The following CAB39 variants were observed in gnomAD, a reference collection of about 807,000 sequenced individuals.
CAB39 encodes calcium-binding protein 39.
Under a neutral mutation model 40.0 loss-of-function variants are expected in CAB39, and 8 were observed. That is an observed-to-expected ratio of 0.20 (90% CI 0.12 to 0.36). The LOEUF is 0.36. Ranked by LOEUF, CAB39 falls within the 10% of genes least tolerant of loss-of-function variation. CAB39 has a pLI of 1.00. For missense variants in CAB39, 270 were observed against 401.1 expected (o/e 0.67, Z 2.79); for synonymous variants, 156 against 141.6 (o/e 1.10, Z -0.72).
At position 230,776,478 on chromosome 2, in the gene CAB39, T is replaced by C. The variant is rs369940917; in HGVS notation, c.115-14394T>C. ...ATGCATATAGCTCTATGCAATTGCA[T>C]CACACTTATCTGTTCTCCAAGTCTA... On this transcript the variant is annotated intron_variant, in intron 2 of 8. Transcript: ENST00000258418. Among the ~76,000 whole-genome samples, 3 of 152,334 alleles carry C rather than the reference T, an allele frequency of 2.0e-5. No homozygotes were observed. The South Asian group carries it at 6.2e-4, about 32-fold the overall frequency.
intron 1 of CAB39, among the ~76,000 whole-genome samples, chr2:230,758,468 A>G (rs1308128320): frequency 6.6e-6 from 1 of 152,222 alleles, no homozygotes; most frequent in Non-Finnish European, 1.5e-5. Context: ...ACATCAGAAC[A>G]TGTTGAGAAA....
chr2:230,743,958 C>T (rs1484944910), intron 1 of CAB39, among the ~76,000 whole-genome samples: 7 of 145,322 alleles, frequency 4.8e-5, no homozygotes, highest in Admixed American at 3.5e-4. Context: ...CTCGCTCTGT[C>T]ACCCCGGCTG....
Position 230,772,233 on chromosome 2 carries a change from C to A in CAB39, c.114+12118C>A, listed in dbSNP as rs915102957. ...CAGAATTTAACAGTTAGAAACAATC[C>A]AGTTAAGAGTGGGCAAGATACTCAT... is the stretch of plus-strand genomic sequence containing the variant. On this transcript the variant is annotated intron_variant, in intron 2 of 8. Transcript: ENST00000258418. 6.6e-5 allele frequency among the ~76,000 whole-genome samples: 10 copies of A among 152,130 alleles called. No homozygotes were observed. The Middle Eastern group carries it at 0.01, about 155-fold the overall frequency.
At chr2:230,757,311 G>T (rs1437413332) in intron 1 of CAB39, among the ~76,000 whole-genome samples, 2 of 151,910 alleles carry the variant, frequency 1.3e-5, no homozygotes, top group Non-Finnish European at 2.9e-5. Context: ...GCCGAGGCTG[G>T]TCTCAAACTC....
intron 5 of CAB39, among the ~76,000 whole-genome samples, chr2:230,799,682 A>C (rs1193050458): frequency 6.6e-6 from 1 of 152,240 alleles, no homozygotes; most frequent in African/African-American, 2.4e-5. Context: ...ATAAATATTT[A>C]GAACTGTTTT....
chr2:230,716,876 C>G (rs988567716), intron 1 of CAB39, among the ~76,000 whole-genome samples: 6 of 152,104 alleles, frequency 3.9e-5, no homozygotes. Flanking sequence ...GGTGTGTGTG[C>G]CTGTTGTCCT....
At chr2:230,767,682 T>C (rs1228112421) in intron 2 of CAB39, among the ~76,000 whole-genome samples, 1 of 152,216 alleles carries the variant, frequency 6.6e-6, no homozygotes, top group Admixed American at 6.5e-5. Flanking sequence ...ATATTTACTG[T>C]CTATTCCTTT....
chr2:230,747,316 G>T (rs1694993434), intron 1 of CAB39, among the ~76,000 whole-genome samples: 1 of 152,244 alleles, frequency 6.6e-6, no homozygotes, highest in African/African-American at 2.4e-5. Context: ...ACCCCCATTG[G>T]CATTGCTGTA....
intron 1 of CAB39, among the ~76,000 whole-genome samples, chr2:230,721,738 T>C (rs775270599): frequency 2.0e-5 from 3 of 152,222 alleles, no homozygotes; most frequent in Non-Finnish European, 4.4e-5. Flanking sequence ...AGTTTTATTT[T>C]TGATGGTGAT....
chr2:230,771,184 C>G lies in CAB39; in HGVS notation c.114+11069C>G, dbSNP rs548870679. On this transcript the variant is annotated intron_variant, in intron 2 of 8. Coordinates refer to ENST00000258418, the MANE Select transcript of CAB39 (RefSeq NM_016289.4). ...CTAGTAGACTAGTAAATAAGTTTAG[C>G]GAGTCACAGGTTATAAGGTCAATAT... is the stretch of plus-strand genomic sequence containing the variant. 5.9e-5 allele frequency among the ~76,000 whole-genome samples: 9 copies of G among 152,054 alleles called. No homozygotes were observed. In the South Asian group the frequency reaches 8.3e-4, roughly 14 times the overall value.
At chr2:230,813,230 G>C (rs1000015704) in intron 6 of CAB39, among the ~76,000 whole-genome samples, 2 of 152,152 alleles carry the variant, frequency 1.3e-5, no homozygotes, top group African/African-American at 4.8e-5. Flanking sequence ...GATAGCCTTG[G>C]CCCCCAAGTG....
intron 1 of CAB39, among the ~76,000 whole-genome samples, chr2:230,755,136 T>A (rs1695168624): frequency 6.6e-6 from 1 of 152,208 alleles, no homozygotes; most frequent in South Asian, 2.1e-4. Flanking sequence ...TTCCATGATT[T>A]TCCTCTGGGT....
intron 1 of CAB39, among the ~76,000 whole-genome samples, chr2:230,714,313 GC>G (rs1487055022): frequency 6.6e-6 from 1 of 152,120 alleles, no homozygotes; most frequent in Non-Finnish European, 1.5e-5. Flanking sequence ...AGAGGAGGAG[GC>G]CCAGTCAGGA....
chr2:230,717,422 C>T (rs951964040), intron 1 of CAB39, among the ~76,000 whole-genome samples: 1 of 152,108 alleles, frequency 6.6e-6, no homozygotes, highest in African/African-American at 2.4e-5. Context: ...AGTGACTTTC[C>T]GACCGGATCC....
intron 1 of CAB39, among the ~76,000 whole-genome samples, chr2:230,747,074 C>G (rs1220685953): frequency 1.3e-5 from 2 of 152,006 alleles, no homozygotes; most frequent in Non-Finnish European, 2.9e-5. Flanking sequence ...GTCTAGAGGC[C>G]TGGAGTGGTA....
At chr2:230,807,474 C>T (rs1458963411) in intron 5 of CAB39, among the ~76,000 whole-genome samples, 2 of 133,426 alleles carry the variant, frequency 1.5e-5, no homozygotes, top group African/African-American at 2.7e-5. Flanking sequence ...CATCCTGTTA[C>T]GTACTGGGTC....
intron 5 of CAB39, among the ~76,000 whole-genome samples, chr2:230,807,566 A>G (rs1159518288): frequency 6.6e-6 from 1 of 152,144 alleles, no homozygotes; most frequent in Non-Finnish European, 1.5e-5. Context: ...TCTGGTTGGC[A>G]GCAGTTTCCT....
intron 5 of CAB39, among the ~76,000 whole-genome samples, chr2:230,806,099 C>T (rs1237883647): frequency 1.3e-5 from 2 of 151,984 alleles, no homozygotes; most frequent in African/African-American, 2.4e-5. Context: ...AGGAATAACA[C>T]AATAATAATA....
chr2:230,814,243 A>T lies in CAB39; in HGVS notation c.693+129A>T, dbSNP rs547988557. The T allele has an allele frequency of 5.9e-5, 33 of 559,226 alleles. No homozygotes were observed. The South Asian group carries it at 1.0e-3, about 18-fold the overall frequency. 34.6% of individuals were successfully genotyped at this position (559,226 alleles called of 1,614,324 possible). A position where few individuals can be genotyped will look rare whatever the true frequency, so the allele number is the denominator to read the frequency against. ...AAATAAATACCTTTGCCGAGGGTCAAGATTTTTGCGGAAAGGAATGGAGTT... is the reference window on the plus strand; with the variant it reads ...AAATAAATACCTTTGCCGAGGGTCATGATTTTTGCGGAAAGGAATGGAGTT... On this transcript the variant is annotated intron_variant, in intron 7 of 8. Coordinates refer to ENST00000258418, the MANE Select transcript of CAB39 (RefSeq NM_016289.4).
Sources: allele counts gnomAD v4.1 joint callset (sites outside exome capture counted in the v4.1 genomes callset), GRCh38; gene constraint gnomAD v4.1.1; transcripts MANE v1.5; gene names NCBI Gene and HGNC (gene_info 2026-07-23, HGNC 2026-07-21).